The following AHI1 variants were observed in gnomAD, a reference collection of about 807,000 sequenced individuals.
AHI1 encodes Abelson helper integration site 1, also known as jouberin.
In AHI1, 123 loss-of-function variants were observed where a neutral mutation model predicts 149.3. That is an observed-to-expected ratio of 0.82 (90% CI 0.71 to 0.96). The LOEUF is 0.96. AHI1 is among the 40% of genes least tolerant of loss of function. AHI1 has a pLI of 0.00. For missense variants in AHI1, 1,439 were observed against 1,422.7 expected (o/e 1.01, Z -0.18); for synonymous variants, 475 against 459.8 (o/e 1.03, Z -0.42).
intron 15 of AHI1, 33 bp downstream of exon 15, chr6:135,438,342 G>GCA (rs768749076): frequency 9.1e-6 from 14 of 1,533,248 alleles, no homozygotes; most frequent in Non-Finnish European, 1.2e-5. Flanking sequence ...ACAGCAAACA[G>GCA]CATGCACATA....
chr6:135,475,395 C>T (rs1270475835), intron 5 of AHI1, among the ~76,000 whole-genome samples: 1 of 152,158 alleles, frequency 6.6e-6, no homozygotes, highest in African/African-American at 2.4e-5. Context: ...ATTTTTAGGA[C>T]CAGTCCTTGA....
chr6:135,426,218 T>C (rs987407971), intron 20 of AHI1, among the ~76,000 whole-genome samples: 2 of 151,728 alleles, frequency 1.3e-5, no homozygotes, highest in African/African-American at 4.8e-5. Flanking sequence ...GGTACTGTGT[T>C]GCTTGGCAAT....
intron 28 of AHI1, among the ~76,000 whole-genome samples, chr6:135,289,424 G>A (rs994295558): frequency 8.6e-5 from 13 of 152,044 alleles, no homozygotes; most frequent in African/African-American, 3.1e-4. Context: ...GAACCCGGGA[G>A]GTGGAGACTG....
chr6:135,463,276 T>A lies in AHI1; in HGVS notation c.780A>T (p.Glu260Asp), dbSNP rs761525653. Reference protein sequence around the residue: ...STLTISGDTVEGEQKKESSVR... With the variant: ...STLTISGDTVDGEQKKESSVR... ...CTGAAGATTCTTTCTTTTGTTCACC[T>A]TCAACTGTGTCACCAGAGATGGTCA... Residue 260 changes from glutamate (E) to aspartate (D), a missense_variant, in exon 8 of 29, where the codon GAA becomes GAT. By Grantham distance (45) the Glu-to-Asp change is conservative. Coordinates refer to ENST00000265602, the MANE Select transcript of AHI1 (RefSeq NM_001134831.2). 5 of 1,609,692 alleles carry A rather than the reference T, an allele frequency of 3.1e-6. No homozygotes were observed. In the Admixed American group the frequency reaches 5.0e-5, roughly 16 times the overall value.
chr6:135,434,705 GA>G (rs551134905), intron 15 of AHI1, among the ~76,000 whole-genome samples: 1 of 151,538 alleles, frequency 6.6e-6, no homozygotes, highest in African/African-American at 2.4e-5. Context: ...TGGGTTTGGG[GA>G]AAAAAAATCA....
chr6:135,367,920 G>T (rs577751027), intron 23 of AHI1, among the ~76,000 whole-genome samples: 16 of 148,712 alleles, frequency 1.1e-4, no homozygotes, highest in African/African-American at 3.9e-4. Context: ...GGGTGTTAAA[G>T]AACCTTGTTT....
In AHI1 at chr6:135,447,141, G is replaced by C. The variant is rs1168107548; in HGVS notation, c.1646C>G (p.Ser549Cys). ...TTTTTCCTCCTGAAGAGCCATCATA[G>C]AGCGGTAAGATGGCTTTATCTAAAT... ...VPDCIKPSYR[S>C]MMALQEEKGK... Residue 549 changes from serine (S) to cysteine (C), a missense_variant, in exon 13 of 29, where the codon TCT becomes TGT. Transcript: ENST00000265602. The C allele has an allele frequency of 4.4e-6, 7 of 1,582,836 alleles. No homozygotes were observed. The highest frequency in any genetic ancestry group is 2.7e-5 in the African/African-American group (2 of 73,784).
At chr6:135,414,207 T>C (rs1782015107) in intron 20 of AHI1, among the ~76,000 whole-genome samples, 1 of 152,140 alleles carries the variant, frequency 6.6e-6, no homozygotes, top group African/African-American at 2.4e-5. Flanking sequence ...AAAAGACAGT[T>C]TTTTCCAACA....
At chr6:135,480,140 A>C (rs751872045) in intron 5 of AHI1, among the ~76,000 whole-genome samples, 1 of 152,136 alleles carries the variant, frequency 6.6e-6, no homozygotes, top group Non-Finnish European at 1.5e-5. Flanking sequence ...ATTTTCTACC[A>C]TTAAATAATG....
chr6:135,451,907 C>T (rs571525112), intron 11 of AHI1, among the ~76,000 whole-genome samples: 1 of 151,578 alleles, frequency 6.6e-6, no homozygotes, highest in South Asian at 2.1e-4. Context: ...TGGAAAAAGG[C>T]ATTAACAGAT....
intron 24 of AHI1, among the ~76,000 whole-genome samples, chr6:135,339,006 C>T (rs1352817496): frequency 1.3e-5 from 2 of 151,686 alleles, no homozygotes; most frequent in Non-Finnish European, 2.9e-5. Context: ...CGGCTCACTG[C>T]AACCTCTGCC....
intron 26 of AHI1, 98 bp downstream of exon 26, chr6:135,318,421 C>T (rs1239283312): frequency 1.2e-6 from 1 of 810,926 alleles, no homozygotes; most frequent in East Asian, 2.7e-5. Flanking sequence ...ATAATGTGAA[C>T]AATGAAGGAT....
chr6:135,472,916 T>A (rs1235745430), intron 5 of AHI1, among the ~76,000 whole-genome samples: 1 of 152,212 alleles, frequency 6.6e-6, no homozygotes, highest in South Asian at 2.1e-4. Context: ...TTTAAAAATA[T>A]TTTATCTAAA....
At chr6:135,411,813 T>C (rs1781635590) in intron 20 of AHI1, among the ~76,000 whole-genome samples, 1 of 152,070 alleles carries the variant, frequency 6.6e-6, no homozygotes, top group Non-Finnish European at 1.5e-5. Flanking sequence ...TATATGTATA[T>C]AGAAAAATAA....
chr6:135,353,745 T>C (rs1373309824), intron 24 of AHI1, among the ~76,000 whole-genome samples: 1 of 152,108 alleles, frequency 6.6e-6, no homozygotes, highest in African/African-American at 2.4e-5. Context: ...TGAATAAGTT[T>C]AGTGTTAATG....
At chr6:135,381,974 T>G (rs779070483) in intron 23 of AHI1, among the ~76,000 whole-genome samples, 1 of 152,248 alleles carries the variant, frequency 6.6e-6, no homozygotes, top group East Asian at 1.9e-4. Flanking sequence ...CAGTTTTCAT[T>G]AGAGTACTTC....
intron 8 of AHI1, among the ~76,000 whole-genome samples, chr6:135,460,592 T>A (rs926033584): frequency 6.6e-6 from 1 of 152,150 alleles, no homozygotes; most frequent in East Asian, 1.9e-4. Context: ...GAAGCTCTTC[T>A]AAAATCCATA....
At chr6:135,378,877 C>T (rs1188972649) in intron 23 of AHI1, among the ~76,000 whole-genome samples, 2 of 151,958 alleles carry the variant, frequency 1.3e-5, no homozygotes, top group African/African-American at 2.4e-5. Flanking sequence ...TACTGTCTTT[C>T]TGGGTAAGAA....
intron 24 of AHI1, among the ~76,000 whole-genome samples, chr6:135,336,702 C>G (rs1789442831): frequency 6.6e-6 from 1 of 152,160 alleles, no homozygotes; most frequent in Non-Finnish European, 1.5e-5. Context: ...AGCTCTAAAA[C>G]AATCATACAG....
Sources: gnomAD v4.1 joint callset for allele counts (sites outside exome capture counted in the v4.1 genomes callset) on GRCh38, gnomAD v4.1.1 for gene constraint, MANE v1.5 for transcripts, NCBI Gene and HGNC (gene_info 2026-07-23, HGNC 2026-07-21) for gene names.